Variants in EPHB1 observed in about 807,000 individuals in gnomAD.
EPHB1 encodes the protein ephrin type-B receptor 1.
Under a neutral mutation model 94.4 loss-of-function variants are expected in EPHB1, and 30 were observed. The ratio of observed to expected loss-of-function variants is 0.32; its 90% confidence interval spans 0.24 to 0.43. The LOEUF is 0.43. Ranked by LOEUF, EPHB1 falls within the 20% of genes least tolerant of loss-of-function variation. The probability of loss-of-function intolerance (pLI) is 1.00; values close to 1 mark genes in which losing one functional copy is unlikely to be tolerated. For missense variants in EPHB1, 1,055 were observed against 1,308.3 expected (o/e 0.81, Z 2.99); for synonymous variants, 522 against 489.1 (o/e 1.07, Z -0.89).
At chr3:135,034,047 CT>C (rs201065555) in intron 3 of EPHB1, among the ~76,000 whole-genome samples, 31 of 149,632 alleles carry the variant, frequency 2.1e-4, no homozygotes, top group Non-Finnish European at 2.7e-4. Flanking sequence ...CTCTGCTTCT[CT>C]TTTTTTTTTA....
At chr3:135,040,529 G>C (rs536898914) in intron 3 of EPHB1, among the ~76,000 whole-genome samples, 7 of 152,230 alleles carry the variant, frequency 4.6e-5, no homozygotes, top group Non-Finnish European at 1.0e-4. Context: ...ACCTGCAGGA[G>C]TGTGGGACTG....
chr3:135,018,440 C>A (rs542205217), intron 3 of EPHB1, among the ~76,000 whole-genome samples: 20 of 152,216 alleles, frequency 1.3e-4, no homozygotes, highest in Non-Finnish European at 2.6e-4. Flanking sequence ...AAATGCTGCC[C>A]TCCCTTTCTT....
At chr3:135,252,807 G>A (rs1933184639) in intron 15 of EPHB1, among the ~76,000 whole-genome samples, 3 of 141,468 alleles carry the variant, frequency 2.1e-5, no homozygotes, top group African/African-American at 7.8e-5. Flanking sequence ...TTCCACAATG[G>A]TTGAACTAGT....
intron 11 of EPHB1, among the ~76,000 whole-genome samples, chr3:135,193,614 G>A (rs1045255017): frequency 1.3e-5 from 2 of 152,210 alleles, no homozygotes; most frequent in African/African-American, 4.8e-5. Flanking sequence ...CAGCATCAAA[G>A]AATGGGCAGA....
intron 15 of EPHB1, among the ~76,000 whole-genome samples, chr3:135,257,595 G>C (rs903147263): frequency 1.3e-5 from 2 of 151,938 alleles, no homozygotes; most frequent in Non-Finnish European, 2.9e-5. Context: ...CCAGCTGCGT[G>C]CTGGGAGAAC....
chr3:134,825,498 T>G (rs2108291480), intron 1 of EPHB1, among the ~76,000 whole-genome samples: 1 of 152,360 alleles, frequency 6.6e-6, no homozygotes, highest in South Asian at 2.1e-4. Flanking sequence ...CCACAGGGGA[T>G]GCTGCTTCTG....
At chr3:134,939,732 T>C (rs910953792) in intron 2 of EPHB1, among the ~76,000 whole-genome samples, 2 of 152,176 alleles carry the variant, frequency 1.3e-5, no homozygotes, top group South Asian at 2.1e-4. Flanking sequence ...TGAAGAATCT[T>C]TGGCCTCCTG....
chr3:135,024,538 C>T (rs1043291916), intron 3 of EPHB1, among the ~76,000 whole-genome samples: 3 of 152,182 alleles, frequency 2.0e-5, no homozygotes, highest in Non-Finnish European at 4.4e-5. Context: ...GAGCAGAGCA[C>T]GTGTCTGGGG....
At chr3:134,937,753 C>T (rs1194464211) in intron 2 of EPHB1, among the ~76,000 whole-genome samples, 1 of 152,210 alleles carries the variant, frequency 6.6e-6, no homozygotes, top group Non-Finnish European at 1.5e-5. Context: ...GGGCCTGCAG[C>T]TCCCACCCCT....
intron 1 of EPHB1, among the ~76,000 whole-genome samples, chr3:134,919,929 C>T (rs764206308): frequency 7.9e-5 from 12 of 152,090 alleles, no homozygotes; most frequent in Non-Finnish European, 1.5e-4. Flanking sequence ...GGTCTCTGCG[C>T]TTTCAACAGC....
chr3:135,215,605 C>T (rs550324908), intron 12 of EPHB1, among the ~76,000 whole-genome samples: 4 of 152,312 alleles, frequency 2.6e-5, no homozygotes, highest in African/African-American at 4.8e-5. Flanking sequence ...TTGAGGACCT[C>T]GTGGCAGGAT....
intron 3 of EPHB1, among the ~76,000 whole-genome samples, chr3:135,097,044 T>C (rs1235015316): frequency 2.9e-5 from 4 of 137,516 alleles, no homozygotes; most frequent in Non-Finnish European, 6.0e-5. Context: ...TGCAGTGAGC[T>C]GAGATCATGC....
intron 3 of EPHB1, among the ~76,000 whole-genome samples, chr3:135,054,651 A>G (rs2107773540): frequency 6.6e-6 from 1 of 152,336 alleles, no homozygotes; most frequent in African/African-American, 2.4e-5. Context: ...CACGGATGTT[A>G]GCTCATAGGA....
chr3:135,090,042 T>C (rs999595577), intron 3 of EPHB1, among the ~76,000 whole-genome samples: 1 of 152,134 alleles, frequency 6.6e-6, no homozygotes, highest in Non-Finnish European at 1.5e-5. Context: ...AAACTGAAAA[T>C]AAGGAGGACA....
chr3:135,100,612 A>ATGT (rs1939000796), intron 3 of EPHB1, among the ~76,000 whole-genome samples: 1 of 152,154 alleles, frequency 6.6e-6, no homozygotes, highest in Non-Finnish European at 1.5e-5. Context: ...TGAGACACTT[A>ATGT]ATCTGTTTCT....
intron 5 of EPHB1, among the ~76,000 whole-genome samples, chr3:135,135,809 GTACTC>G (rs1246232767): frequency 6.6e-6 from 1 of 152,196 alleles, no homozygotes; most frequent in Non-Finnish European, 1.5e-5. Context: ...TATTGAATGC[GTACTC>G]TATGTCTGGA....
chr3:135,162,325 G>A (rs1674166516), intron 7 of EPHB1, 145 bp downstream of exon 7: 1 of 961,078 alleles, frequency 1.0e-6, no homozygotes, highest in Non-Finnish European at 1.5e-6. Flanking sequence ...CCTCCCAGTA[G>A]GGCCATGTAG....
chr3:134,839,383 T>C (rs2036736464), intron 1 of EPHB1, among the ~76,000 whole-genome samples: 2 of 152,226 alleles, frequency 1.3e-5, no homozygotes, highest in African/African-American at 4.8e-5. Context: ...GTTCCTTTGT[T>C]CCTTTGTTGT....
chr3:134,948,117 C>T (rs1381228918), intron 2 of EPHB1, among the ~76,000 whole-genome samples: 1 of 152,068 alleles, frequency 6.6e-6, no homozygotes, highest in Non-Finnish European at 1.5e-5. Context: ...TTAAATACCT[C>T]CTGGTGGTGA....
Sources: gnomAD v4.1 joint callset for allele counts (sites outside exome capture counted in the v4.1 genomes callset) on GRCh38, gnomAD v4.1.1 for gene constraint, MANE v1.5 for transcripts, NCBI Gene and HGNC (gene_info 2026-07-23, HGNC 2026-07-21) for gene names.